The following ALOX5 variants were observed in gnomAD, a reference collection of about 807,000 sequenced individuals.
ALOX5 encodes the protein polyunsaturated fatty acid 5-lipoxygenase.
A neutral mutation model predicts 87.9 loss-of-function variants in ALOX5; 64 were observed. That is an observed-to-expected ratio of 0.73 (90% CI 0.60 to 0.90). The LOEUF (loss-of-function observed/expected upper bound fraction) is 0.90, where lower values mean the gene tolerates loss of function less well. Among genes scored for constraint, ALOX5 ranks in the 40% least tolerant of loss-of-function variants. The probability of loss-of-function intolerance (pLI) is 0.00; values close to 1 mark genes in which losing one functional copy is unlikely to be tolerated. For missense variants in ALOX5, 822 were observed against 907.5 expected (o/e 0.91, Z 1.21); for synonymous variants, 388 against 355.1 (o/e 1.09, Z -1.04).
chr10:45,390,891 A>G (rs1348753257), intron 2 of ALOX5, among the ~76,000 whole-genome samples: 6 of 152,180 alleles, frequency 3.9e-5, no homozygotes, highest in Admixed American at 6.5e-5. Context: ...CAAAAAATCA[A>G]TGAGTCCAGG....
In ALOX5 at chr10:45,425,989, A is replaced by G. The variant is rs925598665; in HGVS notation, c.834+857A>G. Among the ~76,000 whole-genome samples, 1 of 152,210 alleles carries G rather than the reference A, an allele frequency of 6.6e-6. No homozygotes were observed. On this transcript the variant is annotated intron_variant, in intron 6 of 13. Coordinates refer to ENST00000374391, the MANE Select transcript of ALOX5 (RefSeq NM_000698.5). The surrounding 1 kb of genome is among the most constrained non-coding windows in gnomAD (Gnocchi z 4.4). ...CCCACCCAGCTGAAGTCCCTGGGCA[A>G]GTCTCCTGCCCCAGTGCAGGCAGTG...
chr10:45,402,011 T>C (rs61854074), intron 3 of ALOX5, among the ~76,000 whole-genome samples: 1 of 136,142 alleles, frequency 7.3e-6, no homozygotes, highest in African/African-American at 2.8e-5. Context: ...GGCGTGAACC[T>C]GGGAGGCGGA....
chr10:45,411,586 T>TTTGA (rs1841065376), intron 3 of ALOX5, among the ~76,000 whole-genome samples: 1 of 152,332 alleles, frequency 6.6e-6, no homozygotes, highest in African/African-American at 2.4e-5. Context: ...GGGAAGCTGT[T>TTTGA]TTGATTGTAA....
intron 7 of ALOX5, among the ~76,000 whole-genome samples, chr10:45,432,316 C>T (rs1398997708): frequency 6.7e-6 from 1 of 150,352 alleles, no homozygotes; most frequent in Non-Finnish European, 1.5e-5. Flanking sequence ...GCCATGGTCG[C>T]TCCACTGCAC....
chr10:45,420,171 T>C (rs1355390577), intron 4 of ALOX5, among the ~76,000 whole-genome samples: 1 of 152,162 alleles, frequency 6.6e-6, no homozygotes, highest in East Asian at 1.9e-4. Context: ...TAAAAAATAA[T>C]CCCCTTCTAT....
intron 3 of ALOX5, among the ~76,000 whole-genome samples, chr10:45,397,165 G>A (rs1030293295): frequency 3.3e-5 from 5 of 152,284 alleles, no homozygotes; most frequent in East Asian, 1.9e-4. Flanking sequence ...GGTGGATCAC[G>A]ATGTCAAGAG....
chr10:45,379,895 C>T (rs1839768423), intron 1 of ALOX5, among the ~76,000 whole-genome samples: 1 of 152,240 alleles, frequency 6.6e-6, no homozygotes, highest in East Asian at 1.9e-4. Flanking sequence ...CCTTCTACCC[C>T]TCACTGCCCT....
intron 4 of ALOX5, among the ~76,000 whole-genome samples, chr10:45,416,189 G>T (rs957126304): frequency 6.6e-6 from 1 of 152,070 alleles, no homozygotes; most frequent in Non-Finnish European, 1.5e-5. Context: ...TGGCCATCCT[G>T]GGAGGTAAAT....
intron 2 of ALOX5, among the ~76,000 whole-genome samples, chr10:45,384,773 G>C (rs1839954985): frequency 6.6e-6 from 1 of 151,616 alleles, no homozygotes; most frequent in Non-Finnish European, 1.5e-5. Flanking sequence ...CTCCGGGGGT[G>C]GGGGTGGGGA....
chr10:45,434,020 C>T (rs1841991211), intron 7 of ALOX5, among the ~76,000 whole-genome samples: 1 of 152,228 alleles, frequency 6.6e-6, no homozygotes, highest in Non-Finnish European at 1.5e-5. Context: ...TTTTAGGCTG[C>T]TGTTACCCTC....
At chr10:45,409,147 C>T (rs886905039) in intron 3 of ALOX5, among the ~76,000 whole-genome samples, 4 of 152,210 alleles carry the variant, frequency 2.6e-5, no homozygotes, top group Non-Finnish European at 5.9e-5. Context: ...TCAAGTAAGG[C>T]AAATGCTGAG....
chr10:45,377,088 A>C (rs1373309156), intron 1 of ALOX5, among the ~76,000 whole-genome samples: 1 of 152,232 alleles, frequency 6.6e-6, no homozygotes, highest in Non-Finnish European at 1.5e-5. Context: ...CTTTTAAGAA[A>C]GCTAAGGGCA....
intron 4 of ALOX5, among the ~76,000 whole-genome samples, chr10:45,413,047 A>G (rs1160998387): frequency 1.3e-5 from 2 of 152,212 alleles, no homozygotes; most frequent in Admixed American, 6.5e-5. Context: ...TGGCGAAACT[A>G]TTCCAATCAA....
chr10:45,399,668 A>G (rs995481199), intron 3 of ALOX5, among the ~76,000 whole-genome samples: 9 of 152,314 alleles, frequency 5.9e-5, no homozygotes, highest in Admixed American at 1.3e-4. Context: ...TAAAAGATCT[A>G]TGCTTCAAAG....
intron 2 of ALOX5, among the ~76,000 whole-genome samples, chr10:45,393,465 G>A (rs1242109043): frequency 6.6e-6 from 1 of 152,094 alleles, no homozygotes; most frequent in African/African-American, 2.4e-5. Flanking sequence ...AAAATAATAA[G>A]AGCTATTTAT....
chr10:45,392,268 G>A (rs889996470), intron 2 of ALOX5, among the ~76,000 whole-genome samples: 1 of 152,192 alleles, frequency 6.6e-6, no homozygotes, highest in Non-Finnish European at 1.5e-5. Context: ...AATAGAAAAG[G>A]GGGAAAGGTG....
chr10:45,392,715 GAAA>G (rs922399767), intron 2 of ALOX5, among the ~76,000 whole-genome samples: 3 of 140,380 alleles, frequency 2.1e-5, no homozygotes, highest in East Asian at 4.1e-4. Flanking sequence ...TAAAAAAAAA[GAAA>G]AAAAAAAGAA....
At chr10:45,440,283 C>T in intron 7 of ALOX5, 147 bp from the exon 8 acceptor site, 1 of 792,692 alleles carries the variant, frequency 1.3e-6, no homozygotes, top group Non-Finnish European at 2.0e-6. Context: ...ACCGCAGGGC[C>T]CTTTACCCCC....
At chr10:45,406,773 GGTTA>G (rs988052190) in intron 3 of ALOX5, among the ~76,000 whole-genome samples, 12 of 152,218 alleles carry the variant, frequency 7.9e-5, no homozygotes, top group South Asian at 2.1e-4. Context: ...TAGTGAGTCT[GGTTA>G]GTTAATGTGC....
Sources: allele counts gnomAD v4.1 joint callset (sites outside exome capture counted in the v4.1 genomes callset), GRCh38; gene constraint gnomAD v4.1.1; non-coding constraint Gnocchi (gnomAD v3.1); transcripts MANE v1.5; gene names NCBI Gene and HGNC (gene_info 2026-07-23, HGNC 2026-07-21).